Variants in WNT2 observed in about 807,000 individuals in gnomAD.
WNT2 encodes protein Wnt-2.
WNT2 carries 12 observed loss-of-function variants against 36.9 expected under a neutral mutation model. The ratio of observed to expected loss-of-function variants is 0.33; its 90% CI spans 0.21 to 0.53. The LOEUF (loss-of-function observed/expected upper bound fraction) is 0.53, where lower values mean the gene tolerates loss of function less well. Ranked by LOEUF, WNT2 falls within the 20% of genes least tolerant of loss-of-function variation. The pLI, the probability that WNT2 is intolerant of heterozygous loss-of-function variation, is 0.95. For missense variants in WNT2, 379 were observed against 473.1 expected, an observed-to-expected ratio of 0.80 and a Z score of 1.84; for synonymous variants, 163 against 174.6, an observed-to-expected ratio of 0.93 and a Z score of 0.52.
chr7:117,322,268 G>A lies in WNT2; in HGVS notation c.83+639C>T, dbSNP rs1795344205. Reference sequence around the variant, plus strand: ...CAGCAAAGTTACTCTTCGCGGGGACGGTTGTGAACAAGGTAACATCTTAGA... The same window carrying A: ...CAGCAAAGTTACTCTTCGCGGGGACAGTTGTGAACAAGGTAACATCTTAGA... On this transcript the variant is annotated intron_variant, in intron 1 of 4. Coordinates refer to ENST00000265441, the MANE Select transcript of WNT2 (RefSeq NM_003391.3). The surrounding 1 kb of genome is among the most constrained non-coding windows in gnomAD (Gnocchi z 5.4). 1 of 152,154 alleles carries A rather than the reference G, an allele frequency of 6.6e-6. No homozygotes were observed. Among genetic ancestry groups the A allele is most frequent in the Non-Finnish European group, 1.5e-5 (1 of 68,094 alleles). 9.4% of individuals were successfully genotyped at this position (152,154 alleles called of 1,614,324 possible).
At position 117,284,779 on chromosome 7, in the gene WNT2, A is replaced by C. The variant is rs113812294; in HGVS notation, c.854-6395T>G. Among the ~76,000 whole-genome samples the C allele has an allele frequency of 6.5e-3, 991 of 152,326 alleles. 7 individuals carry two copies. The highest frequency in any genetic ancestry group is 0.01 in the Non-Finnish European group (714 of 68,032). Reference sequence around the variant, plus strand: ...CTAAGCATTTTGCCTGCATTGTCTAATTTAATTCTCATAAGCTTATAAGGA... The same window carrying C: ...CTAAGCATTTTGCCTGCATTGTCTACTTTAATTCTCATAAGCTTATAAGGA... On this transcript the variant is annotated intron_variant, in intron 4 of 4. Transcript: ENST00000265441. The surrounding 1 kb of genome is among the most constrained non-coding windows in gnomAD (Gnocchi z 5.2).
intron 3 of WNT2, 51 bp downstream of exon 3, chr7:117,315,020 G>A (rs755678653): frequency 6.3e-7 from 1 of 1,592,596 alleles, no homozygotes; most frequent in South Asian, 1.1e-5. Context: ...CTGCCTAAGT[G>A]GTTTATAAAG....
At position 117,297,930 on chromosome 7, in the gene WNT2, TC is replaced by T. The variant is rs1201190417; in HGVS notation, c.589-55del. 1.2e-5 allele frequency: 18 copies of T among 1,550,884 alleles called. No homozygotes were observed. In the African/African-American group the frequency reaches 1.5e-4, roughly 13 times the overall value. On this transcript the variant is annotated intron_variant, in intron 3 of 4. Transcript: ENST00000265441. ...TGAGGTTCGAGCAGGTGACACATGC[TC>T]CAACTCTCCTTACCTCCCAGCAATC...
chr7:117,320,895 G>A, intron 1 of WNT2, 102 bp from the exon 2 acceptor site: 1 of 990,440 alleles, frequency 1.0e-6, no homozygotes, highest in African/African-American at 1.6e-5. Flanking sequence ...TTTCAAATAT[G>A]AATTCCTTAT....
Position 117,284,270 on chromosome 7 carries a change from C to A in WNT2, c.854-5886G>T, listed in dbSNP as rs1405316512. Among the ~76,000 whole-genome samples the A allele has an allele frequency of 6.6e-6, 1 of 152,126 alleles. No homozygotes were observed. ...AATAAAGACTCATTATTATCAATAG[C>A]AGTAGGGCCATACTGTTCCATTGGT... On this transcript the variant is annotated intron_variant, in intron 4 of 4. Transcript: ENST00000265441. The surrounding 1 kb of genome is among the most constrained non-coding windows in gnomAD (Gnocchi z 5.2).
At chr7:117,307,010 C>T (rs1795026893) in intron 3 of WNT2, among the ~76,000 whole-genome samples, 1 of 152,012 alleles carries the variant, frequency 6.6e-6, no homozygotes, top group African/African-American at 2.4e-5. Flanking sequence ...AAGCCTTTGA[C>T]CTGCAGAGGC....
chr7:117,315,036 C>A, intron 3 of WNT2, 35 bp downstream of exon 3: 1 of 1,606,408 alleles, frequency 6.2e-7, no homozygotes, highest in Non-Finnish European at 8.5e-7. Flanking sequence ...TAAAGCCATG[C>A]AGCCTACAAA....
chr7:117,301,843 T>G (rs2116364564), intron 3 of WNT2, among the ~76,000 whole-genome samples: 1 of 150,036 alleles, frequency 6.7e-6, no homozygotes, highest in South Asian at 2.2e-4. Context: ...GTCTTGCTCT[T>G]GTCACCCAGG....
intron 4 of WNT2, among the ~76,000 whole-genome samples, chr7:117,289,513 G>A (rs1050494709): frequency 6.6e-6 from 1 of 152,224 alleles, no homozygotes; most frequent in African/African-American, 2.4e-5. Context: ...AAGCTAAGCA[G>A]TGCTGGGTGG....
At chr7:117,291,694 A>C (rs1388936590) in intron 4 of WNT2, among the ~76,000 whole-genome samples, 1 of 152,202 alleles carries the variant, frequency 6.6e-6, no homozygotes, top group Non-Finnish European at 1.5e-5. Context: ...CACTTTCTTC[A>C]GTTGAAGACT....
At chr7:117,319,531 G>C (rs886260852) in intron 2 of WNT2, among the ~76,000 whole-genome samples, 2 of 145,752 alleles carry the variant, frequency 1.4e-5, no homozygotes, top group East Asian at 4.2e-4. Context: ...TTGGGGGGGG[G>C]GGTAGGCAAA....
chr7:117,296,596 C>G lies in WNT2; in HGVS notation c.853+1016G>C, dbSNP rs1392068187. Among the ~76,000 whole-genome samples the G allele has an allele frequency of 3.9e-5, 6 of 152,154 alleles. No individual in the cohort carries two copies. In the East Asian group the frequency reaches 5.8e-4, roughly 15 times the overall value. ...CTTGGGCTGTGGACTCCCATCACCT[C>G]CTATGAATTTAGACTTGTACTCATT... On this transcript the variant is annotated intron_variant, in intron 4 of 4. Coordinates refer to ENST00000265441, the MANE Select transcript of WNT2 (RefSeq NM_003391.3).
chr7:117,292,207 T>A (rs1266050170), intron 4 of WNT2, among the ~76,000 whole-genome samples: 1 of 151,916 alleles, frequency 6.6e-6, no homozygotes, highest in Non-Finnish European at 1.5e-5. Flanking sequence ...ACTTTTGACC[T>A]CCCCTCTTTG....
intron 4 of WNT2, among the ~76,000 whole-genome samples, chr7:117,288,218 A>G (rs1356979516): frequency 1.3e-5 from 2 of 152,230 alleles, no homozygotes; most frequent in African/African-American, 2.4e-5. Context: ...TGTGGTATCA[A>G]TTTAAGGTTC....
chr7:117,303,971 C>T (rs1436142455), intron 3 of WNT2, among the ~76,000 whole-genome samples: 1 of 152,214 alleles, frequency 6.6e-6, no homozygotes, highest in East Asian at 1.9e-4. Context: ...GGACTGGCTC[C>T]ACAGCTCAGA....
Position 117,315,162 on chromosome 7 carries a change from T to A in WNT2, c.497A>T (p.Lys166Ile), listed in dbSNP as rs1313088400. Residue 166 changes from lysine to isoleucine, a missense_variant, in exon 3 of 5, where the codon AAA becomes ATA. Lys to Ile is a moderately radical substitution (Grantham distance 102). Coordinates refer to ENST00000265441, the MANE Select transcript of WNT2 (RefSeq NM_003391.3). ...TGCATCCACAAATGCGCGGGCAAAT[T>A]TGATCCCATAGTCAATGTTATCACT... ...GCSDNIDYGIKFARAFVDAKE... is the reference protein window; with the variant it reads ...GCSDNIDYGIIFARAFVDAKE... 1.8e-5 allele frequency: 29 copies of A among 1,614,052 alleles called. No homozygotes were observed. The Admixed American group carries it at 4.5e-4, about 25-fold the overall frequency.
At chr7:117,297,393 C>T (rs1398989685) in intron 4 of WNT2, among the ~76,000 whole-genome samples, 1 of 152,040 alleles carries the variant, frequency 6.6e-6, no homozygotes, top group Non-Finnish European at 1.5e-5. Context: ...TTTTCTTGAA[C>T]TCCTGAGCTC....
At chr7:117,316,929 G>C (rs1450188783) in intron 2 of WNT2, among the ~76,000 whole-genome samples, 1 of 152,182 alleles carries the variant, frequency 6.6e-6, no homozygotes. Context: ...ACTAATACAT[G>C]CTAATGTGAC....
intron 3 of WNT2, among the ~76,000 whole-genome samples, chr7:117,305,429 A>G (rs764169995): frequency 2.4e-4 from 37 of 152,254 alleles, no homozygotes; most frequent in Admixed American, 5.9e-4. Flanking sequence ...AGGCTATAAA[A>G]AAGTTCTTTT....
Sources: allele counts gnomAD v4.1 joint callset (sites outside exome capture counted in the v4.1 genomes callset), GRCh38; gene constraint gnomAD v4.1.1; non-coding constraint Gnocchi (gnomAD v3.1); transcripts MANE v1.5; gene names NCBI Gene and HGNC (gene_info 2026-07-23, HGNC 2026-07-21).